The following ZC3H7A variants were observed in gnomAD, a reference collection of about 807,000 sequenced individuals.
ZC3H7A encodes zinc finger CCCH domain-containing protein 7A.
ZC3H7A carries 44 observed loss-of-function variants against 125.5 expected under a neutral mutation model. The ratio of observed to expected loss-of-function variants is 0.35; its 90% CI spans 0.28 to 0.45. The LOEUF (loss-of-function observed/expected upper bound fraction) is 0.45, where lower values mean the gene tolerates loss of function less well. Ranked by LOEUF, ZC3H7A falls within the 20% of genes least tolerant of loss-of-function variation. The probability of loss-of-function intolerance (pLI) is 1.00; values close to 1 mark genes in which losing one functional copy is unlikely to be tolerated. For synonymous variants in ZC3H7A, 399 were observed against 391.2 expected (o/e 1.02, Z -0.23); for missense variants, 977 against 1,170.7 (o/e 0.83, Z 2.41).
intron 1 of ZC3H7A, among the ~76,000 whole-genome samples, chr16:11,789,549 C>G (rs752631088): frequency 3.9e-5 from 6 of 152,104 alleles, no homozygotes; most frequent in Non-Finnish European, 5.9e-5. Flanking sequence ...CCACTGCGCC[C>G]GGCCGTGCAT....
At position 11,763,529 on chromosome 16, in the gene ZC3H7A, A is replaced by G; in HGVS notation, c.1951T>C (p.Tyr651His). ...TTCAGTTCCACAAGACTATGGGCAT[A>G]AAAGCACTCATCTTCCCTTAAACAG... ...YGCLREDECF[Y>H]AHSLVELKVW... is the part of the protein sequence containing the mutation. Residue 651 changes from tyrosine (Y) to histidine (H), a missense_variant, in exon 16 of 23, where the codon TAT becomes CAT. By Grantham distance (83) the Tyr-to-His change is moderately conservative. Transcript: ENST00000355758. 6.2e-7 allele frequency: 1 copy of G among 1,610,060 alleles called. No homozygotes were observed. Among genetic ancestry groups the G allele is most frequent in the South Asian group, 1.1e-5 (1 of 90,376 alleles).
chr16:11,762,621 G>A (rs778360162), intron 17 of ZC3H7A, 50 bp downstream of exon 17: 45 of 1,553,284 alleles, frequency 2.9e-5, no homozygotes, highest in African/African-American at 1.4e-4. Context: ...CATCTATTAC[G>A]CAATTCCAGA....
chr16:11,779,201 G>C lies in ZC3H7A; in HGVS notation c.271C>G (p.Leu91Val). The C allele has an allele frequency of 6.2e-7, 1 of 1,607,924 alleles. No homozygotes were observed. Among genetic ancestry groups the C allele is most frequent in the Non-Finnish European group, 8.5e-7 (1 of 1,175,002 alleles). Residue 91 changes from leucine to valine, a missense_variant, in exon 4 of 23, where the codon CTA becomes GTA. Physicochemically the swap from Leu to Val is conservative, Grantham distance 32. Around this residue, in one of 3 missense-constraint regions of ZC3H7A, gnomAD observed 199 missense variants for 256.1 expected, o/e 0.78. Coordinates refer to ENST00000355758, the MANE Select transcript of ZC3H7A (RefSeq NM_014153.4). ...ILIPKEIIEKLYINRIACYSN... is the reference protein window; with the variant it reads ...ILIPKEIIEKVYINRIACYSN... ...TAGCAGGCAATACGATTTATATATA[G>C]TTTTTCAATTATTTCTTTGGGGATT...
chr16:11,769,908 AC>A (rs1012831435), intron 10 of ZC3H7A, among the ~76,000 whole-genome samples: 5 of 144,114 alleles, frequency 3.5e-5, no homozygotes, highest in South Asian at 4.4e-4. Flanking sequence ...TCCCACCTCC[AC>A]CTCCCAAGTA....
At chr16:11,786,061 T>C (rs1168119246) in intron 1 of ZC3H7A, among the ~76,000 whole-genome samples, 1 of 152,194 alleles carries the variant, frequency 6.6e-6, no homozygotes, top group Non-Finnish European at 1.5e-5. Context: ...CGAGGTCTTT[T>C]CAATCTATGT....
chr16:11,769,077 G>C lies in ZC3H7A; in HGVS notation c.1127C>G (p.Ser376Cys). The change falls in exon 11 of 23, where the codon TCT becomes TGT. Residue 376 changes from serine to cysteine, a missense_variant. By Grantham distance (112) the Ser-to-Cys change is moderately radical. Coordinates refer to ENST00000355758, the MANE Select transcript of ZC3H7A (RefSeq NM_014153.4). ...ESKRDLSTST[S>C]REGTPLNNSN... ...GTTGTTAAGCGGTGTTCCCTCTCTA[G>C]AAGTTGAGGTGGACAGATCTAAAAT... 1 of 1,609,664 alleles carries C rather than the reference G, an allele frequency of 6.2e-7. No homozygotes were observed. Among genetic ancestry groups the C allele is most frequent in the Non-Finnish European group, 8.5e-7 (1 of 1,178,368 alleles).
At chr16:11,785,989 C>G (rs950729070) in intron 1 of ZC3H7A, among the ~76,000 whole-genome samples, 1 of 151,884 alleles carries the variant, frequency 6.6e-6, no homozygotes. Flanking sequence ...TAAAATAGTC[C>G]CAGATGGAAT....
intron 1 of ZC3H7A, among the ~76,000 whole-genome samples, chr16:11,791,378 T>C (rs756742328): frequency 2.0e-5 from 3 of 152,086 alleles, no homozygotes; most frequent in Non-Finnish European, 2.9e-5. Flanking sequence ...TTCCCAGCTC[T>C]TCACAGAGCT....
rs80133870 is a variant in ZC3H7A, at chr16:11,766,438, G to A, written c.1523-753C>T. Reference sequence around the variant, plus strand: ...AAATCAGTGAGGCAGGGCGGCACACGCCTGTAATTCCAGCTATTCGGTAGC... The same window carrying A: ...AAATCAGTGAGGCAGGGCGGCACACACCTGTAATTCCAGCTATTCGGTAGC... On this transcript the variant is annotated intron_variant, in intron 13 of 22. Transcript: ENST00000355758. Among the ~76,000 whole-genome samples, 1,065 of 152,284 alleles carry A rather than the reference G, an allele frequency of 7.0e-3. 9 individuals carry two copies. The highest frequency in any genetic ancestry group is 0.024 in the African/African-American group (995 of 41,542).
intron 1 of ZC3H7A, among the ~76,000 whole-genome samples, chr16:11,787,446 C>T (rs1389473882): frequency 6.6e-6 from 1 of 152,168 alleles, no homozygotes; most frequent in African/African-American, 2.4e-5. Context: ...ACACACACCC[C>T]TTTGTGTGTG....
intron 1 of ZC3H7A, among the ~76,000 whole-genome samples, chr16:11,786,392 A>C (rs1050996578): frequency 2.0e-5 from 3 of 152,224 alleles, no homozygotes; most frequent in Admixed American, 6.5e-5. Flanking sequence ...GCCTCTATCT[A>C]GCCAAGGTAG....
chr16:11,760,308 T>C (rs892723492), intron 19 of ZC3H7A, among the ~76,000 whole-genome samples: 3 of 152,154 alleles, frequency 2.0e-5, no homozygotes, highest in Non-Finnish European at 4.4e-5. Flanking sequence ...GTACTCATTT[T>C]ATCAAAGTAC....
intron 17 of ZC3H7A, 115 bp downstream of exon 17, chr16:11,762,556 G>T: frequency 1.1e-6 from 1 of 938,156 alleles, no homozygotes; most frequent in Non-Finnish European, 1.6e-6. Context: ...TCACCTGAAT[G>T]AATATTAAGA....
chr16:11,770,107 A>G (rs569724759), intron 10 of ZC3H7A, among the ~76,000 whole-genome samples: 6 of 151,928 alleles, frequency 3.9e-5, no homozygotes, highest in Non-Finnish European at 8.8e-5. Flanking sequence ...TTCTTAGTCT[A>G]GCACTCAATT....
At chr16:11,762,470 G>A (rs1194202195) in intron 17 of ZC3H7A, among the ~76,000 whole-genome samples, 1 of 152,098 alleles carries the variant, frequency 6.6e-6, no homozygotes, top group East Asian at 1.9e-4. Flanking sequence ...CTACACTCTT[G>A]GCAAGCATTG....
intron 1 of ZC3H7A, among the ~76,000 whole-genome samples, chr16:11,785,016 G>T (rs2053234969): frequency 6.6e-6 from 1 of 151,708 alleles, no homozygotes; most frequent in Non-Finnish European, 1.5e-5. Context: ...GAATTAGCCG[G>T]GCGTGGTGGC....
Position 11,776,732 on chromosome 16 carries a change from T to G in ZC3H7A, c.465+19A>C. The G allele has an allele frequency of 6.3e-7, 1 of 1,580,278 alleles. No homozygotes were observed. The highest frequency in any genetic ancestry group is 8.6e-7 in the Non-Finnish European group (1 of 1,169,324). ...TGTAAATGGTTACGATGTAAACAAA[T>G]AAACTATAAATTCCATACCTGAGGC... On this transcript the variant is annotated intron_variant, in intron 5 of 22. Coordinates refer to ENST00000355758, the MANE Select transcript of ZC3H7A (RefSeq NM_014153.4).
chr16:11,779,725 G>C (rs868656716), intron 3 of ZC3H7A, among the ~76,000 whole-genome samples: 6 of 152,238 alleles, frequency 3.9e-5, no homozygotes, highest in Middle Eastern at 3.4e-3. Context: ...TTCCAAAAAG[G>C]CCATGATGAA....
Position 11,751,009 on chromosome 16 carries a change from G to A in ZC3H7A, c.*308C>T. 4.8e-6 allele frequency: 1 copy of A among 208,610 alleles called. No individual in the cohort carries two copies. Among genetic ancestry groups the A allele is most frequent in the Non-Finnish European group, 9.5e-6 (1 of 105,268 alleles). 12.9% of individuals were successfully genotyped at this position (208,610 alleles called of 1,614,324 possible). On this transcript the variant is annotated 3_prime_UTR_variant, in exon 23 of 23. Coordinates refer to ENST00000355758, the MANE Select transcript of ZC3H7A (RefSeq NM_014153.4). ...CTTACCGTCACGATTCTTATATGAA[G>A]GACCAACTCAAAGAGTTGTCCTAGA... is the stretch of plus-strand genomic sequence containing the variant.
Sources: gnomAD v4.1 joint callset for allele counts (sites outside exome capture counted in the v4.1 genomes callset) on GRCh38, gnomAD v4.1.1 for gene constraint, gnomAD v4.1.1 regional missense constraint, MANE v1.5 for transcripts, NCBI Gene and HGNC (gene_info 2026-07-23, HGNC 2026-07-21) for gene names.